The following SYBU variants were observed in gnomAD, a reference collection of about 807,000 sequenced individuals.
SYBU encodes the protein GOLSYN A protein.
SYBU carries 21 observed loss-of-function variants against 35.9 expected under a neutral mutation model. That is an observed-to-expected ratio of 0.58 (90% CI 0.41 to 0.84). SYBU has a LOEUF of 0.84. Among genes scored for constraint, SYBU ranks in the 40% least tolerant of loss-of-function variants. The pLI is 0.00. For missense variants in SYBU, 768 were observed against 848.2 expected (o/e 0.91, Z 1.17); for synonymous variants, 319 against 324.3 (o/e 0.98, Z 0.18).
intron 2 of SYBU, among the ~76,000 whole-genome samples, chr8:109,638,571 G>A (rs1814495574): frequency 6.6e-6 from 1 of 151,962 alleles, no homozygotes; most frequent in Admixed American, 6.6e-5. Context: ...CAGGAAAGGA[G>A]GTGTTTTGTT....
At chr8:109,651,410 G>C (rs1415500450) in intron 1 of SYBU, among the ~76,000 whole-genome samples, 1 of 148,040 alleles carries the variant, frequency 6.8e-6, no homozygotes, top group Non-Finnish European at 1.5e-5. Flanking sequence ...TTTAATAAAG[G>C]ACATGAATTC....
intron 1 of SYBU, among the ~76,000 whole-genome samples, chr8:109,655,502 G>T (rs1254783093): frequency 6.6e-6 from 1 of 152,162 alleles, no homozygotes; most frequent in Non-Finnish European, 1.5e-5. Context: ...AAAGGCTTCT[G>T]CCAAAGAAAA....
chr8:109,607,006 T>C (rs1367232899), intron 3 of SYBU, among the ~76,000 whole-genome samples: 1 of 152,250 alleles, frequency 6.6e-6, no homozygotes, highest in Non-Finnish European at 1.5e-5. Flanking sequence ...GCTATATATG[T>C]GAACAATCTA....
At position 109,586,140 on chromosome 8, in the gene SYBU, G is replaced by A. The variant is rs369364091; in HGVS notation, c.450C>T (p.Ser150=). 48 of 1,609,572 alleles carry A rather than the reference G, an allele frequency of 3.0e-5. No homozygotes were observed. The highest frequency in any genetic ancestry group is 2.1e-4 in the African/African-American group (16 of 74,984). ...VKPGSEADFS[S]SSSTGSISAP... Reference sequence around the variant, plus strand: ...CGGAAATGCTGCCTGTGCTGCTCGAGGAGCTAAAATCAGCTTCACTACCTG... The same window carrying A: ...CGGAAATGCTGCCTGTGCTGCTCGAAGAGCTAAAATCAGCTTCACTACCTG... Residue 150 remains serine (S), a synonymous_variant, in exon 4 of 7, where the codon TCC becomes TCT. Transcript: ENST00000276646.
At chr8:109,688,855 G>T (rs1817580290) in intron 1 of SYBU, among the ~76,000 whole-genome samples, 1 of 151,166 alleles carries the variant, frequency 6.6e-6, no homozygotes, top group South Asian at 2.1e-4. Context: ...CTTTCTCTTT[G>T]TTTTCCAAAA....
At chr8:109,644,535 G>A in intron 1 of SYBU, 101 bp downstream of exon 1, 3 of 1,375,350 alleles carry the variant, frequency 2.2e-6, no homozygotes, top group Non-Finnish European at 3.0e-6. Flanking sequence ...CCTTTCCCCA[G>A]ACTCTAAATG....
rs3134330 is a variant in SYBU, at chr8:109,689,599, T to C, written c.-58+1734A>G. Among the ~76,000 whole-genome samples, 6 of 152,306 alleles carry C rather than the reference T, an allele frequency of 3.9e-5. No individual in the cohort carries two copies. In the East Asian group the frequency reaches 9.7e-4, roughly 25 times the overall value. Reference sequence around the variant, plus strand: ...CATCCTTCTCAGGCTCCCAAAGTTCTGGGATTACAGGCGCAAGCCACCATG... The same window carrying C: ...CATCCTTCTCAGGCTCCCAAAGTTCCGGGATTACAGGCGCAAGCCACCATG... On this transcript the variant is annotated intron_variant, in intron 1 of 7. Transcript: ENST00000422135.
chr8:109,644,974 C>G (rs554688553), upstream of SYBU: 4 of 503,308 alleles, frequency 7.9e-6, no homozygotes, highest in Admixed American at 6.3e-5. Flanking sequence ...CGCCCGATTT[C>G]CCCACGGCAC....
At chr8:109,618,024 GA>G (rs1812005788) in intron 3 of SYBU, among the ~76,000 whole-genome samples, 1 of 152,184 alleles carries the variant, frequency 6.6e-6, no homozygotes, top group Non-Finnish European at 1.5e-5. Flanking sequence ...ACAAAACTTA[GA>G]AGACAAATGT....
At chr8:109,616,741 A>C (rs916133365) in intron 3 of SYBU, among the ~76,000 whole-genome samples, 3 of 150,008 alleles carry the variant, frequency 2.0e-5, no homozygotes, top group Admixed American at 2.0e-4. Context: ...TCTTTCCTAC[A>C]TCATTTTATC....
intron 2 of SYBU, among the ~76,000 whole-genome samples, chr8:109,630,544 G>A (rs1263143529): frequency 6.6e-6 from 1 of 152,094 alleles, no homozygotes; most frequent in African/African-American, 2.4e-5. Context: ...ATTAAGAAAA[G>A]TACATATATT....
At chr8:109,629,211 C>G (rs891316971) in intron 2 of SYBU, among the ~76,000 whole-genome samples, 1 of 152,172 alleles carries the variant, frequency 6.6e-6, no homozygotes, top group African/African-American at 2.4e-5. Flanking sequence ...GCAGTGTGCA[C>G]TATGCATGAG....
chr8:109,639,932 C>G (rs1814671799), intron 2 of SYBU, among the ~76,000 whole-genome samples: 1 of 152,164 alleles, frequency 6.6e-6, no homozygotes, highest in Non-Finnish European at 1.5e-5. Context: ...TCAATTTTAG[C>G]CTACACAGCA....
chr8:109,655,272 A>G (rs1012275022), intron 1 of SYBU, among the ~76,000 whole-genome samples: 2 of 152,224 alleles, frequency 1.3e-5, no homozygotes, highest in Admixed American at 6.5e-5. Flanking sequence ...TGCCAGAGTC[A>G]TGGCATTTGC....
chr8:109,643,007 G>A, intron 1 of SYBU, 75 bp from the exon 2 acceptor site: 3 of 1,449,208 alleles, frequency 2.1e-6, no homozygotes, highest in Non-Finnish European at 2.7e-6. Context: ...GTTCCTTCAA[G>A]GATCAATTTC....
chr8:109,642,879 G>C lies in SYBU; in HGVS notation c.78C>G (p.Pro26=). ...GCATATGGGGCCGAAGAATCAACCG[G>C]GGAATTCGGCTTCGAGAAATCTCCT... ...HDKEISRSRI[P]RLILRPHMPQ... is the part of the protein sequence containing the mutation. The change falls in exon 2 of 7, where the codon CCC becomes CCG. Residue 26 remains proline (P), a synonymous_variant. Coordinates refer to ENST00000276646, the MANE Select transcript of SYBU (RefSeq NM_001099754.2). 1 of 1,594,422 alleles carries C rather than the reference G, an allele frequency of 6.3e-7. No homozygotes were observed. Among genetic ancestry groups the C allele is most frequent in the Non-Finnish European group, 8.5e-7 (1 of 1,169,828 alleles).
intron 3 of SYBU, among the ~76,000 whole-genome samples, chr8:109,602,258 T>C (rs1825615106): frequency 6.6e-6 from 1 of 152,006 alleles, no homozygotes; most frequent in Non-Finnish European, 1.5e-5. Flanking sequence ...AAAAGAACAA[T>C]TGAGTGGAGA....
chr8:109,643,727 A>C (rs1480678295), intron 1 of SYBU: 1 of 166,208 alleles, frequency 6.0e-6, no homozygotes, highest in African/African-American at 2.4e-5. Context: ...GTGCTTTTCC[A>C]ACCATTTTCT....
intron 1 of SYBU, among the ~76,000 whole-genome samples, chr8:109,687,878 T>TGGA (rs1277706423): frequency 6.6e-6 from 1 of 152,204 alleles, no homozygotes; most frequent in Admixed American, 6.5e-5. Flanking sequence ...TTCCCAATAA[T>TGGA]TAAATGGACT....
Sources: allele counts gnomAD v4.1 joint callset (sites outside exome capture counted in the v4.1 genomes callset), GRCh38; gene constraint gnomAD v4.1.1; transcripts MANE v1.5; gene names NCBI Gene and HGNC (gene_info 2026-07-23, HGNC 2026-07-21).